Variants in CACNA2D3 observed in about 807,000 individuals in gnomAD.
CACNA2D3 encodes voltage-dependent calcium channel subunit alpha-2/delta-3.
CACNA2D3 carries 60 observed loss-of-function variants against 160.6 expected under a neutral mutation model. The observed-to-expected ratio is 0.37, with a 90% CI of 0.30 to 0.46. CACNA2D3 has a LOEUF of 0.46. CACNA2D3 is among the 20% of genes least tolerant of loss of function. The probability of loss-of-function intolerance (pLI) is 1.00; values close to 1 mark genes in which losing one functional copy is unlikely to be tolerated. For missense variants in CACNA2D3, 1,205 were observed against 1,365.0 expected (o/e 0.88, Z 1.85); for synonymous variants, 558 against 492.9 (o/e 1.13, Z -1.75).
intron 11 of CACNA2D3, among the ~76,000 whole-genome samples, chr3:54,712,755 A>G (rs1575435824): frequency 1.3e-5 from 2 of 152,114 alleles, no homozygotes; most frequent in East Asian, 3.9e-4. Context: ...TTCTTGGCCC[A>G]TTGCCCCTTC....
intron 2 of CACNA2D3, among the ~76,000 whole-genome samples, chr3:54,140,466 T>C (rs905188101): frequency 6.6e-6 from 1 of 152,174 alleles, no homozygotes; most frequent in Non-Finnish European, 1.5e-5. Flanking sequence ...ACATTTCCTC[T>C]CCATTGCTGC....
At chr3:54,446,049 G>A (rs969812065) in intron 4 of CACNA2D3, among the ~76,000 whole-genome samples, 74 of 152,336 alleles carry the variant, frequency 4.9e-4, no homozygotes, top group African/African-American at 1.7e-3. Context: ...TCCAGGAGTA[G>A]GTTGGACTGC....
rs1559456426 is a variant in CACNA2D3, at chr3:54,346,402, T to TA, written c.321+25844_321+25845insA. Among the ~76,000 whole-genome samples the TA allele has an allele frequency of 1.2e-4, 19 of 152,340 alleles. No homozygotes were observed. In the Middle Eastern group the frequency reaches 0.01, roughly 82 times the overall value. On this transcript the variant is annotated intron_variant, in intron 3 of 37. Coordinates refer to ENST00000474759, the MANE Select transcript of CACNA2D3 (RefSeq NM_018398.3). Reference sequence around the variant, plus strand: ...CTCCTTTAGAATACCAAATAGCCTTTGCCATAGTTATCTGTTTCCTCTTCA... The same window carrying TA: ...CTCCTTTAGAATACCAAATAGCCTTTAGCCATAGTTATCTGTTTCCTCTTCA...
At chr3:54,476,435 G>C (rs1456292186) in intron 4 of CACNA2D3, among the ~76,000 whole-genome samples, 1 of 151,964 alleles carries the variant, frequency 6.6e-6, no homozygotes, top group African/African-American at 2.4e-5. Context: ...AAATGAGATT[G>C]CTGGATCATA....
At chr3:54,408,938 C>G (rs1332876095) in intron 4 of CACNA2D3, among the ~76,000 whole-genome samples, 2 of 152,124 alleles carry the variant, frequency 1.3e-5, no homozygotes, top group Admixed American at 1.3e-4. Context: ...GGCATGTAAG[C>G]AAATGGCTAT....
At chr3:54,351,172 G>A (rs1463041934) in intron 3 of CACNA2D3, among the ~76,000 whole-genome samples, 3 of 151,370 alleles carry the variant, frequency 2.0e-5, no homozygotes, top group Non-Finnish European at 4.4e-5. Context: ...ACTAGAGAGG[G>A]GGTTACCGCA....
Position 55,073,503 on chromosome 3 carries a change from A to C in CACNA2D3, c.3046A>C (p.Ser1016Arg). ...SNLFMVVVDS[S>R]CLCESVAPIT... The stretch of plus-strand genomic sequence containing the variant: ...CCTGTTCATGGTGGTGGTGGACAGC[A>C]GCTGCCTCTGTGAATCTGTGGCCCC... Residue 1016 changes from serine (S) to arginine (R), a missense_variant, in exon 36 of 38, where the codon AGC (serine) becomes CGC (arginine). Transcript: ENST00000474759. 1 of 1,613,956 alleles carries C rather than the reference A, an allele frequency of 6.2e-7. No homozygotes were observed. The highest frequency in any genetic ancestry group is 8.5e-7 in the Non-Finnish European group (1 of 1,179,884).
At chr3:54,198,760 G>A (rs553574353) in intron 2 of CACNA2D3, among the ~76,000 whole-genome samples, 130 of 152,354 alleles carry the variant, frequency 8.5e-4, no homozygotes, top group African/African-American at 3.0e-3. Context: ...GCCTGGTGGC[G>A]TCCTTGCAGC....
chr3:54,904,960 T>G (rs988051902), intron 27 of CACNA2D3, among the ~76,000 whole-genome samples: 1 of 152,220 alleles, frequency 6.6e-6, no homozygotes, highest in Non-Finnish European at 1.5e-5. Context: ...TAGTTATCTC[T>G]GCATCAGTAG....
rs139569547 is a variant in CACNA2D3 at position 55,035,410 on chromosome 3, A to G, written c.2987+17093A>G. 1.5e-3 allele frequency among the ~76,000 whole-genome samples: 222 copies of G among 152,324 alleles called. 5 individuals are homozygous for G. Among genetic ancestry groups the G allele is most frequent in the Middle Eastern group, 0.01 (3 of 294 alleles). On this transcript the variant is annotated intron_variant, in intron 35 of 37. Transcript: ENST00000474759. ...ACTTTGTGAATGTGTGAGCATGGCT[A>G]TAAGTACAACTAATCAGGAAAATTA...
intron 27 of CACNA2D3, among the ~76,000 whole-genome samples, chr3:54,901,857 A>G (rs965881463): frequency 6.6e-6 from 1 of 152,182 alleles, no homozygotes; most frequent in Non-Finnish European, 1.5e-5. Context: ...GTCTCCAAAA[A>G]TAGAGCGGCC....
chr3:55,027,648 C>G lies in CACNA2D3; in HGVS notation c.2987+9331C>G, dbSNP rs1206626403. On this transcript the variant is annotated intron_variant, in intron 35 of 37. Coordinates refer to ENST00000474759, the MANE Select transcript of CACNA2D3 (RefSeq NM_018398.3). The stretch of plus-strand genomic sequence containing the variant: ...ACCAACTTTGTAGGTAACTTCAGGT[C>G]AGGGGCAATGACATTCAAAAATAAC... Among the ~76,000 whole-genome samples, 4 of 152,176 alleles carry G rather than the reference C, an allele frequency of 2.6e-5. 1 individual carries two copies. Among genetic ancestry groups the G allele is most frequent in the Admixed American group, 6.5e-5 (1 of 15,268 alleles).
intron 13 of CACNA2D3, among the ~76,000 whole-genome samples, chr3:54,802,461 T>A (rs1457282380): frequency 6.6e-6 from 1 of 152,232 alleles, no homozygotes; most frequent in Non-Finnish European, 1.5e-5. Context: ...GGAAATCTTT[T>A]GAGGAAATTA....
intron 31 of CACNA2D3, among the ~76,000 whole-genome samples, chr3:54,993,912 G>GTT (rs1702796080): frequency 6.8e-6 from 1 of 147,368 alleles, no homozygotes; most frequent in South Asian, 2.2e-4. Context: ...GTGTGTGTGT[G>GTT]TGTGTGTGTT....
chr3:54,401,629 G>T (rs1699466929), intron 4 of CACNA2D3, among the ~76,000 whole-genome samples: 1 of 152,144 alleles, frequency 6.6e-6, no homozygotes, highest in Non-Finnish European at 1.5e-5. Context: ...AAGAATGTCA[G>T]CCAAGAATAC....
At chr3:54,917,167 A>G (rs1398945785) in intron 27 of CACNA2D3, among the ~76,000 whole-genome samples, 1 of 152,256 alleles carries the variant, frequency 6.6e-6, no homozygotes, top group Non-Finnish European at 1.5e-5. Context: ...TACAAAATGC[A>G]TAAATCTGGA....
chr3:54,992,788 A>C (rs527372452), intron 31 of CACNA2D3, among the ~76,000 whole-genome samples: 2 of 151,656 alleles, frequency 1.3e-5, no homozygotes, highest in African/African-American at 4.9e-5. Flanking sequence ...AAGAAAAAAA[A>C]AAAAAAGAAA....
chr3:54,370,743 A>G (rs775556582), intron 3 of CACNA2D3, among the ~76,000 whole-genome samples: 64 of 151,600 alleles, frequency 4.2e-4, no homozygotes, highest in Non-Finnish European at 1.3e-4. Context: ...CATTTAGAGT[A>G]TATAATTCAG....
At chr3:54,378,147 A>G (rs947377562) in intron 3 of CACNA2D3, among the ~76,000 whole-genome samples, 5 of 152,314 alleles carry the variant, frequency 3.3e-5, no homozygotes, top group African/African-American at 1.2e-4. Flanking sequence ...ACAAATGGTC[A>G]TCCTTCAGGT....
Sources: gnomAD v4.1 joint callset for allele counts (sites outside exome capture counted in the v4.1 genomes callset) on GRCh38, gnomAD v4.1.1 for gene constraint, MANE v1.5 for transcripts, NCBI Gene and HGNC (gene_info 2026-07-23, HGNC 2026-07-21) for gene names.